SPON1: variants seen among roughly 807,000 people sequenced by gnomAD.
The protein encoded by SPON1 is spondin 1.
Under a neutral mutation model 111.7 loss-of-function variants are expected in SPON1, and 52 were observed. That is an observed-to-expected ratio of 0.47 (90% CI 0.37 to 0.59). SPON1 has a LOEUF of 0.59. Among genes scored for constraint, SPON1 ranks in the 20% least tolerant of loss-of-function variants. SPON1 has a pLI of 0.00. For synonymous variants in SPON1, 410 were observed against 395.8 expected (o/e 1.04, Z -0.43); for missense variants, 957 against 1,068.5 (o/e 0.90, Z 1.46).
At chr11:14,093,142 G>A (rs186079275) in intron 5 of SPON1, among the ~76,000 whole-genome samples, 9 of 152,346 alleles carry the variant, frequency 5.9e-5, no homozygotes, top group Non-Finnish European at 1.2e-4. Context: ...CTGGTCCTGA[G>A]TGGAGTTCAT....
chr11:14,255,501 G>C (rs547823529), intron 8 of SPON1, 146 bp from the exon 9 acceptor site: 2 of 689,780 alleles, frequency 2.9e-6, no homozygotes, highest in South Asian at 3.9e-5. Flanking sequence ...ACAGTATGTG[G>C]CATGAACACA....
At chr11:14,260,081 G>GGACTT (rs533491699) in intron 13 of SPON1, among the ~76,000 whole-genome samples, 79 of 152,266 alleles carry the variant, frequency 5.2e-4, no homozygotes, top group Admixed American at 1.5e-3. Context: ...GTTGTACATT[G>GGACTT]GACTTGGCTG....
rs553285948 is a variant in SPON1, at chr11:14,215,877, C to T, written c.826-27455C>T. On this transcript the variant is annotated intron_variant, in intron 6 of 15. Transcript: ENST00000576479. ...GCATGCTTTGTCTACTACTTCTTCT[C>T]AAGTGGTGGGAAAGGGAAAATGAGA... 3.3e-5 allele frequency among the ~76,000 whole-genome samples: 5 copies of T among 152,294 alleles called. No homozygotes were observed. The South Asian group carries it at 1.0e-3, about 32-fold the overall frequency.
chr11:14,143,100 T>G (rs551034130), intron 6 of SPON1, among the ~76,000 whole-genome samples: 2 of 152,346 alleles, frequency 1.3e-5, no homozygotes, highest in South Asian at 4.1e-4. Context: ...TTTTGGTGAC[T>G]CTTAGTGAAG....
At chr11:14,091,367 G>C (rs1302212227) in intron 5 of SPON1, among the ~76,000 whole-genome samples, 1 of 152,240 alleles carries the variant, frequency 6.6e-6, no homozygotes, top group African/African-American at 2.4e-5. Flanking sequence ...ACTGGGCGCC[G>C]TGGAGCAGGG....
At chr11:13,983,252 G>C (rs1241295571) in intron 2 of SPON1, among the ~76,000 whole-genome samples, 1 of 152,230 alleles carries the variant, frequency 6.6e-6, no homozygotes, top group Non-Finnish European at 1.5e-5. Context: ...GCTAGGCCTG[G>C]CTGTTTTGCC....
intron 2 of SPON1, among the ~76,000 whole-genome samples, chr11:14,031,435 C>A (rs571242936): frequency 6.6e-6 from 1 of 152,150 alleles, no homozygotes; most frequent in African/African-American, 2.4e-5. Flanking sequence ...AGAAGAGAGG[C>A]CACTGACAAA....
chr11:14,229,980 G>A (rs1554938503), intron 6 of SPON1, among the ~76,000 whole-genome samples: 1 of 150,728 alleles, frequency 6.6e-6, no homozygotes, highest in Non-Finnish European at 1.5e-5. Flanking sequence ...GTGTGTGTGT[G>A]TGTGTGTGTT....
chr11:13,986,470 G>A (rs12273803), intron 2 of SPON1, among the ~76,000 whole-genome samples: 7,192 of 151,872 alleles, frequency 0.047, 555 homozygotes, highest in African/African-American at 0.16. Context: ...CAGGTATCCC[G>A]TCACTTTGAA....
intron 6 of SPON1, among the ~76,000 whole-genome samples, chr11:14,162,249 A>G (rs1247511518): frequency 1.3e-5 from 2 of 152,052 alleles, no homozygotes; most frequent in African/African-American, 4.8e-5. Context: ...ACATATATGT[A>G]GAGAGAGGGG....
rs528058480 is a variant in SPON1 at position 14,221,298 on chromosome 11, A to G, written c.826-22034A>G. Among the ~76,000 whole-genome samples the G allele has an allele frequency of 2.0e-5, 3 of 152,230 alleles. No homozygotes were observed. The East Asian group carries it at 5.8e-4, about 30-fold the overall frequency. On this transcript the variant is annotated intron_variant, in intron 6 of 15. Coordinates refer to ENST00000576479, the MANE Select transcript of SPON1 (RefSeq NM_006108.4). ...GGAGATTTCAGACAATATCTGTTTT[A>G]TTCTTCTCGAGAATTCAGAAGGTAG...
At chr11:14,255,512 A>G in intron 8 of SPON1, 135 bp from the exon 9 acceptor site, 1 of 775,670 alleles carries the variant, frequency 1.3e-6, no homozygotes, top group Admixed American at 2.5e-5. Flanking sequence ...CATGAACACA[A>G]TTCCATAAAT....
At chr11:13,966,003 CTGCT>C (rs1848013107) in intron 1 of SPON1, among the ~76,000 whole-genome samples, 1 of 152,162 alleles carries the variant, frequency 6.6e-6, no homozygotes, top group East Asian at 1.9e-4. Flanking sequence ...TTCTTTGTGC[CTGCT>C]GTCTAAGTAC....
chr11:14,234,841 C>T (rs576488718), intron 6 of SPON1, among the ~76,000 whole-genome samples: 1 of 152,254 alleles, frequency 6.6e-6, no homozygotes, highest in Non-Finnish European at 1.5e-5. Context: ...ATTTGAAATG[C>T]TTCTGTGCAA....
At chr11:14,142,602 T>G (rs550740266) in intron 6 of SPON1, among the ~76,000 whole-genome samples, 3 of 152,294 alleles carry the variant, frequency 2.0e-5, no homozygotes, top group Non-Finnish European at 2.9e-5. Flanking sequence ...AACAGCCTCA[T>G]CAGGATGCTC....
chr11:14,042,103 T>C (rs75620770), intron 3 of SPON1, among the ~76,000 whole-genome samples: 1,681 of 152,130 alleles, frequency 0.011, 31 homozygotes, highest in African/African-American at 0.039. Flanking sequence ...TCTTTGCCCA[T>C]CAAAATGGCC....
rs1554925654 is a variant in SPON1 at position 14,113,572 on chromosome 11, T to A, written c.677-21848T>A. On this transcript the variant is annotated intron_variant, in intron 5 of 15. Coordinates refer to ENST00000576479, the MANE Select transcript of SPON1 (RefSeq NM_006108.4). The stretch of plus-strand genomic sequence containing the variant: ...CACCTCCTATGTACTTTTTAAATTT[T>A]TTTTTTTTTTTTTTTTTTTTTTTTT... Among the ~76,000 whole-genome samples, 25 of 3,606 alleles carry A rather than the reference T, an allele frequency of 6.9e-3. 3 individuals are homozygous for A. The highest frequency in any genetic ancestry group is 0.031 in the African/African-American group (24 of 780). 2.4% of individuals were successfully genotyped at this position (3,606 alleles called of 152,430 possible). A position where few individuals can be genotyped will look rare whatever the true frequency, so the allele number is the denominator to read the frequency against.
At chr11:13,980,345 C>T (rs1459723448) in intron 1 of SPON1, among the ~76,000 whole-genome samples, 2 of 152,082 alleles carry the variant, frequency 1.3e-5, no homozygotes, top group Non-Finnish European at 2.9e-5. Flanking sequence ...CTAGCCCCTT[C>T]TTTCTTTTTT....
chr11:14,249,726 G>T (rs781952389), intron 7 of SPON1, among the ~76,000 whole-genome samples: 1 of 152,142 alleles, frequency 6.6e-6, no homozygotes, highest in Non-Finnish European at 1.5e-5. Context: ...CTTTTATGGT[G>T]TTTTGGAACA....
Sources: allele counts gnomAD v4.1 joint callset (sites outside exome capture counted in the v4.1 genomes callset), GRCh38; gene constraint gnomAD v4.1.1; transcripts MANE v1.5; gene names NCBI Gene and HGNC (gene_info 2026-07-23, HGNC 2026-07-21).